The following SSBP3 variants were observed in gnomAD, a reference collection of about 807,000 sequenced individuals.
SSBP3 encodes the protein single-stranded DNA-binding protein 3.
In SSBP3, 5 loss-of-function variants were observed where a neutral mutation model predicts 69.6. The observed-to-expected ratio is 0.07, with a 90% CI of 0.04 to 0.15. SSBP3 has a LOEUF of 0.15. Ranked by LOEUF, SSBP3 falls within the 10% of genes least tolerant of loss-of-function variation. The probability of loss-of-function intolerance (pLI) is 1.00; values close to 1 mark genes in which losing one functional copy is unlikely to be tolerated. For synonymous variants in SSBP3, 196 were observed against 193.4 expected (o/e 1.01, Z -0.11); for missense variants, 312 against 534.0 (o/e 0.58, Z 4.10).
chr1:54,333,198 C>G (rs1192259907), intron 4 of SSBP3, among the ~76,000 whole-genome samples: 1 of 152,198 alleles, frequency 6.6e-6, no homozygotes, highest in African/African-American at 2.4e-5. Context: ...GCCTGGAGAC[C>G]TTGCATACCC....
chr1:54,405,680 G>C (rs1299874286), intron 1 of SSBP3, among the ~76,000 whole-genome samples: 2 of 151,896 alleles, frequency 1.3e-5, no homozygotes, highest in African/African-American at 2.4e-5. Context: ...GGGCCCCCGC[G>C]CTCGACCCGC....
intron 4 of SSBP3, among the ~76,000 whole-genome samples, chr1:54,339,928 G>C (rs1646577205): frequency 6.6e-6 from 1 of 151,960 alleles, no homozygotes; most frequent in East Asian, 1.9e-4. Flanking sequence ...AGAAAGAAAA[G>C]AAAGAACGAA....
chr1:54,381,420 A>C (rs902319442), intron 4 of SSBP3, among the ~76,000 whole-genome samples: 2 of 148,154 alleles, frequency 1.3e-5, no homozygotes, highest in Non-Finnish European at 3.0e-5. Context: ...GAGAGAGAGC[A>C]TGTCAGTAGA....
chr1:54,336,989 T>C (rs1395220025), intron 4 of SSBP3, among the ~76,000 whole-genome samples: 2 of 151,940 alleles, frequency 1.3e-5, no homozygotes, highest in Non-Finnish European at 2.9e-5. Context: ...CACACAGAGG[T>C]GGAGGGGGAA....
intron 4 of SSBP3, among the ~76,000 whole-genome samples, chr1:54,363,803 T>G (rs1375116054): frequency 1.3e-5 from 2 of 152,252 alleles, no homozygotes; most frequent in Non-Finnish European, 2.9e-5. Context: ...GAGACTTTCC[T>G]TAATCGGACT....
intron 4 of SSBP3, among the ~76,000 whole-genome samples, chr1:54,305,559 G>A (rs1645883874): frequency 6.6e-6 from 1 of 151,578 alleles, no homozygotes; most frequent in African/African-American, 2.4e-5. Flanking sequence ...CTGGGCAATT[G>A]GGAGCTATGG....
At position 54,249,597 on chromosome 1, in the gene SSBP3, A is replaced by ACTTG. The variant is rs1213552371; in HGVS notation, c.651+2018_651+2019insCAAG. Among the ~76,000 whole-genome samples, 3 of 152,168 alleles carry ACTTG rather than the reference A, an allele frequency of 2.0e-5. No individual in the cohort carries two copies. In the East Asian group the frequency reaches 5.8e-4, roughly 29 times the overall value. ...GTAGTCCCAGCTACTTGGGAGACTGAGGATGTGGTGAGCAGAGATGATGCC... is the reference window on the plus strand; with the variant it reads ...GTAGTCCCAGCTACTTGGGAGACTGACTTGGGATGTGGTGAGCAGAGATGATGCC... On this transcript the variant is annotated intron_variant, in intron 9 of 17. Transcript: ENST00000610401.
chr1:54,265,862 C>G (rs1449602473), intron 5 of SSBP3, among the ~76,000 whole-genome samples: 1 of 152,224 alleles, frequency 6.6e-6, no homozygotes, highest in Non-Finnish European at 1.5e-5. Flanking sequence ...CAGGGCAGCA[C>G]TGGGCAGACA....
intron 14 of SSBP3, chr1:54,238,219 G>A: frequency 2.1e-6 from 1 of 471,100 alleles, no homozygotes; most frequent in Non-Finnish European, 4.4e-6. Flanking sequence ...TAACACGTGG[G>A]GTGATCCGGG....
chr1:54,251,721 A>T, intron 8 of SSBP3, 29 bp from the exon 9 acceptor site: 1 of 1,581,348 alleles, frequency 6.3e-7, no homozygotes, highest in African/African-American at 1.3e-5. Flanking sequence ...GCGTCATGGG[A>T]TGGCAGGAGT....
intron 13 of SSBP3, among the ~76,000 whole-genome samples, chr1:54,240,692 T>C (rs1211174426): frequency 6.6e-6 from 1 of 152,142 alleles, no homozygotes; most frequent in Non-Finnish European, 1.5e-5. Flanking sequence ...TGGACTGCTC[T>C]GCTCAGCCCT....
chr1:54,230,532 TCA>T (rs945155210), intron 14 of SSBP3, among the ~76,000 whole-genome samples: 13 of 152,218 alleles, frequency 8.5e-5, no homozygotes, highest in Admixed American at 2.6e-4. Context: ...GAGATATAAT[TCA>T]CAGAGCATAT....
intron 5 of SSBP3, among the ~76,000 whole-genome samples, chr1:54,262,294 A>AT (rs1347108860): frequency 2.0e-5 from 3 of 152,186 alleles, no homozygotes; most frequent in African/African-American, 7.2e-5. Context: ...GCACTCCAGG[A>AT]TTGCATAGCT....
chr1:54,379,057 C>T (rs1029500728), intron 4 of SSBP3, among the ~76,000 whole-genome samples: 4 of 152,186 alleles, frequency 2.6e-5, no homozygotes, highest in African/African-American at 9.7e-5. Context: ...TGTTCATAGT[C>T]AGCCAGGTTG....
chr1:54,376,235 T>C (rs1371505175), intron 4 of SSBP3, among the ~76,000 whole-genome samples: 1 of 152,062 alleles, frequency 6.6e-6, no homozygotes, highest in Non-Finnish European at 1.5e-5. Flanking sequence ...CTAAGAGGTA[T>C]AGTGGCCCTG....
intron 11 of SSBP3, among the ~76,000 whole-genome samples, 200 bp downstream of exon 11, chr1:54,241,964 C>T (rs1644647068): frequency 6.6e-6 from 1 of 152,150 alleles, no homozygotes; most frequent in African/African-American, 2.4e-5. Flanking sequence ...GCTGGGCAGG[C>T]AGGGCAGGGG....
chr1:54,355,642 G>A (rs1335031958), intron 4 of SSBP3, among the ~76,000 whole-genome samples: 3 of 152,048 alleles, frequency 2.0e-5, no homozygotes, highest in African/African-American at 4.8e-5. Context: ...GAGCCACCGC[G>A]TCCAGCCTCT....
chr1:54,286,286 A>C (rs1645488688), intron 4 of SSBP3: 1 of 152,236 alleles, frequency 6.6e-6, no homozygotes, highest in African/African-American at 2.4e-5. Context: ...GCACTTTAAA[A>C]AACAACAACA....
chr1:54,382,302 T>C (rs1388537434), intron 4 of SSBP3, among the ~76,000 whole-genome samples: 1 of 152,230 alleles, frequency 6.6e-6, no homozygotes, highest in African/African-American at 2.4e-5. Context: ...CTTGAACTCC[T>C]AGGCTCAAGC....
Sources: allele counts gnomAD v4.1 joint callset (sites outside exome capture counted in the v4.1 genomes callset), GRCh38; gene constraint gnomAD v4.1.1; transcripts MANE v1.5; gene names NCBI Gene and HGNC (gene_info 2026-07-23, HGNC 2026-07-21).